Variants in FAR2 observed in about 807,000 individuals in gnomAD.
The protein encoded by FAR2 is epididymis secretory protein Li 81.
FAR2 carries 19 observed loss-of-function variants against 56.0 expected under a neutral mutation model. That is an observed-to-expected ratio of 0.34 (90% confidence interval 0.24 to 0.50). The LOEUF is 0.50. FAR2 is among the 20% of genes least tolerant of loss of function. The probability of loss-of-function intolerance (pLI) is 0.98; values close to 1 mark genes in which losing one functional copy is unlikely to be tolerated. For synonymous variants in FAR2, 219 were observed against 218.8 expected, an observed-to-expected ratio of 1.00 and a Z score of -0.01; for missense variants, 508 against 642.2, an observed-to-expected ratio of 0.79 and a Z score of 2.26.
rs1949556322 is a variant in FAR2 at position 29,321,799 on chromosome 12, A to G, written c.1132A>G (p.Thr378Ala). The change falls in exon 10 of 12, where the codon ACA becomes GCA. Residue 378 changes from threonine to alanine, a missense_variant. Transcript: ENST00000536681. ...CCTATCTGATGGTTATCTCAGGATG[A>G]CAAAGCTCATGAATCGGCTTTTAAG... ...LRLTGRKPRM[T>A]KLMNRLLRTV... 6.2e-7 allele frequency: 1 copy of G among 1,613,232 alleles called. No individual in the cohort carries two copies. Among genetic ancestry groups the G allele is most frequent in the East Asian group, 2.2e-5 (1 of 44,844 alleles).
At chr12:29,302,232 A>AAAGG (rs1218636250) in intron 4 of FAR2, among the ~76,000 whole-genome samples, 1 of 92,130 alleles carries the variant, frequency 1.1e-5, no homozygotes, top group Non-Finnish European at 2.3e-5. Context: ...ACTCCATCTC[A>AAAGG]AAGGAAAAAA....
chr12:29,324,466 A>C (rs1260268193), intron 10 of FAR2, among the ~76,000 whole-genome samples: 1 of 152,224 alleles, frequency 6.6e-6, no homozygotes, highest in Non-Finnish European at 1.5e-5. Context: ...CAAAGTTGAA[A>C]TGAAGGAAAA....
chr12:29,154,190 T>G (rs1949703974), intron 1 of FAR2, among the ~76,000 whole-genome samples: 1 of 152,192 alleles, frequency 6.6e-6, no homozygotes, highest in South Asian at 2.1e-4. Flanking sequence ...GGAAGAAAGA[T>G]CTGATCCTCT....
chr12:29,332,913 G>A, intron 11 of FAR2, 186 bp downstream of exon 11: 1 of 682,150 alleles, frequency 1.5e-6, no homozygotes, highest in South Asian at 1.5e-5. Context: ...TATGAGGCAA[G>A]TATTACTTTT....
chr12:29,270,677 T>A (rs748522055), intron 2 of FAR2, 39 bp downstream of exon 2: 4 of 1,531,150 alleles, frequency 2.6e-6, no homozygotes, highest in Non-Finnish European at 1.8e-6. Context: ...GGGCAATGCC[T>A]TAGGGCAAGA....
chr12:29,286,412 C>T (rs969120329), intron 2 of FAR2, among the ~76,000 whole-genome samples: 1 of 152,162 alleles, frequency 6.6e-6, no homozygotes, highest in Non-Finnish European at 1.5e-5. Flanking sequence ...ATTTCTTCCT[C>T]GATGACAATA....
intron 3 of FAR2, among the ~76,000 whole-genome samples, chr12:29,293,773 CATT>C (rs1431212784): frequency 3.3e-5 from 5 of 152,128 alleles, no homozygotes; most frequent in Non-Finnish European, 7.3e-5. Flanking sequence ...TGATATCTAT[CATT>C]GTCAATAAAT....
chr12:29,326,867 A>T (rs895060646), intron 10 of FAR2, among the ~76,000 whole-genome samples: 20 of 151,762 alleles, frequency 1.3e-4, no homozygotes, highest in African/African-American at 4.1e-4. Context: ...CTCTCTCACC[A>T]CTCCTATTCA....
At chr12:29,181,079 G>A (rs1949987627) in intron 1 of FAR2, among the ~76,000 whole-genome samples, 1 of 151,938 alleles carries the variant, frequency 6.6e-6, no homozygotes, top group South Asian at 2.1e-4. Flanking sequence ...ATATAGAATT[G>A]CATGTTTTTC....
intron 10 of FAR2, among the ~76,000 whole-genome samples, chr12:29,327,439 T>C (rs1238076685): frequency 2.0e-5 from 3 of 152,188 alleles, no homozygotes; most frequent in African/African-American, 7.2e-5. Context: ...AGAGCCCGCA[T>C]TGCCAAGTCA....
At chr12:29,239,659 C>CATAACCAA (rs1947996031) in intron 1 of FAR2, among the ~76,000 whole-genome samples, 1 of 152,128 alleles carries the variant, frequency 6.6e-6, no homozygotes, top group Non-Finnish European at 1.5e-5. Context: ...CCAAAGTCAT[C>CATAACCAA]ATAACCAAAG....
chr12:29,198,470 G>A (rs1233750006), intron 1 of FAR2, among the ~76,000 whole-genome samples: 5 of 151,988 alleles, frequency 3.3e-5, no homozygotes, highest in East Asian at 1.9e-4. Flanking sequence ...CTCTTGATCC[G>A]CCTGCCTCGG....
At chr12:29,213,562 C>T (rs908189016) in intron 1 of FAR2, among the ~76,000 whole-genome samples, 24 of 151,902 alleles carry the variant, frequency 1.6e-4, no homozygotes, top group African/African-American at 5.3e-4. Context: ...TAGTGGTGTA[C>T]GCCTGTAATC....
At chr12:29,306,547 C>A (rs1949256653) in intron 4 of FAR2, among the ~76,000 whole-genome samples, 1 of 152,088 alleles carries the variant, frequency 6.6e-6, no homozygotes, top group Non-Finnish European at 1.5e-5. Context: ...AATAAATATA[C>A]CACATTGATT....
chr12:29,310,387 A>G (rs576767741), intron 6 of FAR2, among the ~76,000 whole-genome samples: 5 of 152,304 alleles, frequency 3.3e-5, no homozygotes, highest in African/African-American at 9.6e-5. Context: ...CATAAACTCA[A>G]CCAATTATTA....
chr12:29,255,836 A>T (rs1948308072), intron 1 of FAR2, among the ~76,000 whole-genome samples: 1 of 151,904 alleles, frequency 6.6e-6, no homozygotes, highest in South Asian at 2.1e-4. Context: ...AGTATTATTA[A>T]ATTGCCTTTT....
At chr12:29,247,570 C>G (rs961778307) in intron 1 of FAR2, among the ~76,000 whole-genome samples, 1 of 152,154 alleles carries the variant, frequency 6.6e-6, no homozygotes, top group African/African-American at 2.4e-5. Flanking sequence ...CACATTTAAA[C>G]TATTTTGTTT....
At chr12:29,294,394 T>C (rs1315704233) in intron 3 of FAR2, among the ~76,000 whole-genome samples, 2 of 152,048 alleles carry the variant, frequency 1.3e-5, no homozygotes, top group Non-Finnish European at 2.9e-5. Flanking sequence ...GTTGCCCAAG[T>C]TGGAGTGCAA....
chr12:29,230,505 G>A (rs1467372379), intron 1 of FAR2, among the ~76,000 whole-genome samples: 1 of 152,060 alleles, frequency 6.6e-6, no homozygotes, highest in Non-Finnish European at 1.5e-5. Context: ...ATGTGAGCCA[G>A]GCAACCCTTG....
Sources: allele counts gnomAD v4.1 joint callset (sites outside exome capture counted in the v4.1 genomes callset), GRCh38; gene constraint gnomAD v4.1.1; transcripts MANE v1.5; gene names NCBI Gene and HGNC (gene_info 2026-07-23, HGNC 2026-07-21).